The following PDE9A variants were observed in gnomAD, a reference collection of about 807,000 sequenced individuals.
The protein encoded by PDE9A is phosphodiesterase 9A, also known as high affinity cGMP-specific 3',5'-cyclic phosphodiesterase 9A.
PDE9A carries 60 observed loss-of-function variants against 87.4 expected under a neutral mutation model. The observed-to-expected ratio is 0.69, with a 90% CI of 0.56 to 0.85. The LOEUF (loss-of-function observed/expected upper bound fraction) is 0.85. Among genes scored for constraint, PDE9A ranks in the 40% least tolerant of loss-of-function variants. The pLI, the probability that PDE9A is intolerant of heterozygous loss-of-function variation, is 0.00. For synonymous variants in PDE9A, 272 were observed against 279.4 expected, an observed-to-expected ratio of 0.97 and a Z score of 0.27; for missense variants, 665 against 779.0, an observed-to-expected ratio of 0.85 and a Z score of 1.74.
At chr21:42,658,096 C>G (rs1039297032) in intron 1 of PDE9A, among the ~76,000 whole-genome samples, 1 of 152,234 alleles carries the variant, frequency 6.6e-6, no homozygotes, top group Non-Finnish European at 1.5e-5. Flanking sequence ...ATGCCTGCCC[C>G]CTTCACATGC....
Position 42,775,427 on chromosome 21 carries a change from C to CAAA in PDE9A, c.*145_*147dup. On this transcript the variant is annotated 3_prime_UTR_variant, in exon 20 of 20. Transcript: ENST00000291539. The stretch of plus-strand genomic sequence containing the variant: ...CTAAGAACCATTTTGTTCACTGATA[C>CAAA]AAAAAAAAAAAAAGGAATTCATGAT... 7 of 414,102 alleles carry CAAA rather than the reference C, an allele frequency of 1.7e-5. No homozygotes were observed. The highest frequency in any genetic ancestry group is 9.8e-5 in the South Asian group (2 of 20,446). 25.7% of individuals were successfully genotyped at this position (414,102 alleles called of 1,614,324 possible).
chr21:42,663,658 C>T (rs966664030), intron 1 of PDE9A, among the ~76,000 whole-genome samples: 15 of 152,166 alleles, frequency 9.9e-5, no homozygotes, highest in East Asian at 1.9e-4. Context: ...GGGGTGCCAC[C>T]GTGATGTGCC....
rs545165447 is a variant in PDE9A, at chr21:42,700,403, A to G, written c.262+1392A>G. 2.6e-5 allele frequency among the ~76,000 whole-genome samples: 4 copies of G among 152,236 alleles called. No homozygotes were observed. In the East Asian group the frequency reaches 7.7e-4, roughly 29 times the overall value. On this transcript the variant is annotated intron_variant, in intron 4 of 19. Transcript: ENST00000291539. Reference sequence around the variant, plus strand: ...ACCTATGATACCTATAACCTTGCCAACTTTTTTATACAGTTAAACATATAC... The same window carrying G: ...ACCTATGATACCTATAACCTTGCCAGCTTTTTTATACAGTTAAACATATAC...
intron 3 of PDE9A, chr21:42,697,469 G>A: frequency 6.2e-7 from 1 of 1,609,044 alleles, no homozygotes; most frequent in Non-Finnish European, 8.5e-7. Context: ...TACCTAGTAA[G>A]GAGTCATGGG....
At chr21:42,719,639 C>CAAAAAAAAAAAAAAAAAAAAAAAA (rs35644198) in intron 4 of PDE9A, among the ~76,000 whole-genome samples, 1 of 131,150 alleles carries the variant, frequency 7.6e-6, no homozygotes. Flanking sequence ...GAGTCTGTCT[C>CAAAAAAAAAAAAAAAAAAAAAAAA]AAAAAAAAAA....
rs892458838 is a variant in PDE9A at position 42,694,016 on chromosome 21, C to T, written c.219-4952C>T. On this transcript the variant is annotated intron_variant, in intron 3 of 19. Transcript: ENST00000291539. The surrounding 1 kb of genome is among the most constrained non-coding windows in gnomAD (Gnocchi z 5.3). ...TCCAGCACACAGTCTGGGGACTAAC[C>T]GCTGATATAAGGTCTGGAAAATCTA... 5.3e-5 allele frequency among the ~76,000 whole-genome samples: 8 copies of T among 151,984 alleles called. No individual in the cohort carries two copies. The highest frequency in any genetic ancestry group is 1.7e-4 in the African/African-American group (7 of 41,364).
intron 3 of PDE9A, 126 bp from the exon 4 acceptor site, chr21:42,698,842 T>TAA (rs1269206604): frequency 1.8e-6 from 1 of 556,690 alleles, no homozygotes; most frequent in African/African-American, 2.0e-5. Flanking sequence ...ATTTAAAAAA[T>TAA]AAAAATAAAT....
At chr21:42,725,402 G>A (rs993620687) in intron 4 of PDE9A, among the ~76,000 whole-genome samples, 1 of 152,038 alleles carries the variant, frequency 6.6e-6, no homozygotes, top group South Asian at 2.1e-4. Flanking sequence ...ATCATGCCTG[G>A]CTAATTTTGT....
intron 1 of PDE9A, among the ~76,000 whole-genome samples, chr21:42,670,673 A>G (rs1175011001): frequency 6.8e-6 from 1 of 147,154 alleles, no homozygotes; most frequent in Non-Finnish European, 1.5e-5. Flanking sequence ...ACACATACAC[A>G]TGCATTCACA....
rs989081764 is a variant in PDE9A, at chr21:42,695,606, C to G, written c.219-3362C>G. Among the ~76,000 whole-genome samples, 1 of 152,176 alleles carries G rather than the reference C, an allele frequency of 6.6e-6. No individual in the cohort carries two copies. Among genetic ancestry groups the G allele is most frequent in the Admixed American group, 6.5e-5 (1 of 15,268 alleles). ...CGGCTGAGCTCTGTGCATGCAGGGC[C>G]AGTATTCTCGGCCATTCTGGCTTAG... On this transcript the variant is annotated intron_variant, in intron 3 of 19. Transcript: ENST00000291539. The surrounding 1 kb of genome is among the most constrained non-coding windows in gnomAD (Gnocchi z 4.3).
At chr21:42,757,784 G>A (rs1028711189) in intron 10 of PDE9A, 3 of 152,162 alleles carry the variant, frequency 2.0e-5, no homozygotes, top group Non-Finnish European at 4.4e-5. Context: ...ATGCATCCCA[G>A]GTGCTCTTCC....
chr21:42,761,981 C>G (rs556208720), intron 13 of PDE9A, 102 bp from the exon 14 acceptor site: 1 of 1,241,378 alleles, frequency 8.1e-7, no homozygotes, highest in Admixed American at 2.0e-5. Flanking sequence ...GGCACCTTCT[C>G]CTGACTCTAC....
intron 10 of PDE9A, chr21:42,758,368 G>C (rs2055298810): frequency 6.6e-6 from 1 of 152,278 alleles, no homozygotes; most frequent in Admixed American, 6.5e-5. Context: ...AAAGGGTTAG[G>C]AGGAGCCGCT....
At chr21:42,668,562 G>A (rs553710125) in intron 1 of PDE9A, among the ~76,000 whole-genome samples, 2 of 152,282 alleles carry the variant, frequency 1.3e-5, no homozygotes, top group Admixed American at 6.5e-5. Context: ...CTTTTGGTTC[G>A]TCGATTTTTG....
chr21:42,710,774 G>A (rs980324496), intron 4 of PDE9A, among the ~76,000 whole-genome samples: 4 of 152,140 alleles, frequency 2.6e-5, no homozygotes, highest in Non-Finnish European at 4.4e-5. Context: ...GATTACCTGC[G>A]GTCAAGAGTT....
intron 15 of PDE9A, among the ~76,000 whole-genome samples, chr21:42,767,917 G>A (rs1046187131): frequency 6.6e-6 from 1 of 152,188 alleles, no homozygotes; most frequent in African/African-American, 2.4e-5. Flanking sequence ...CAGAAAATAG[G>A]GGGTGACCAG....
chr21:42,768,898 T>C, intron 16 of PDE9A, 129 bp from the exon 17 acceptor site: 1 of 1,491,702 alleles, frequency 6.7e-7, no homozygotes, highest in Non-Finnish European at 8.9e-7. Context: ...TTGTTCTTAC[T>C]GAGACACATT....
At chr21:42,699,503 G>A (rs2060326154) in intron 4 of PDE9A, among the ~76,000 whole-genome samples, 1 of 152,098 alleles carries the variant, frequency 6.6e-6, no homozygotes, top group Non-Finnish European at 1.5e-5. Context: ...GATGCCTTGG[G>A]GTGCCTCATA....
At chr21:42,752,213 A>G (rs2146996623) in intron 9 of PDE9A, among the ~76,000 whole-genome samples, 1 of 152,246 alleles carries the variant, frequency 6.6e-6, no homozygotes, top group African/African-American at 2.4e-5. Context: ...CCGTGATTCT[A>G]TCCACGCAGT....
Sources: gnomAD v4.1 joint callset for allele counts (sites outside exome capture counted in the v4.1 genomes callset) on GRCh38, gnomAD v4.1.1 for gene constraint, Gnocchi (gnomAD v3.1) non-coding constraint, MANE v1.5 for transcripts, NCBI Gene and HGNC (gene_info 2026-07-23, HGNC 2026-07-21) for gene names.